Variants in MLLT1 observed in about 807,000 individuals in gnomAD.
MLLT1 encodes the protein protein ENL.
Under a neutral mutation model 55.1 loss-of-function variants are expected in MLLT1, and 11 were observed. That is an observed-to-expected ratio of 0.20 (90% confidence interval 0.13 to 0.33). The LOEUF is 0.33. Ranked by LOEUF, MLLT1 falls within the 10% of genes least tolerant of loss-of-function variation. The pLI, the probability that MLLT1 is intolerant of heterozygous loss-of-function variation, is 1.00. For synonymous variants in MLLT1, 323 were observed against 320.1 expected (o/e 1.01, Z -0.10); for missense variants, 536 against 760.6 (o/e 0.70, Z 3.47).
rs2090779750 is a variant in MLLT1, at chr19:6,212,150, T to A, written c.*892A>T. ...CGAGCCCCAGGGCGGCTGATGCGAG[T>A]CTGTCCGCGGAGACTGTTGGCGCTA... On this transcript the variant is annotated 3_prime_UTR_variant, in exon 12 of 12. Coordinates refer to ENST00000252674, the MANE Select transcript of MLLT1 (RefSeq NM_005934.4). 9.4e-7 allele frequency: 1 copy of A among 1,065,662 alleles called. No individual in the cohort carries two copies. The highest frequency in any genetic ancestry group is 1.1e-6 in the Non-Finnish European group (1 of 879,422). 66.0% of individuals were successfully genotyped at this position (1,065,662 alleles called of 1,614,324 possible). A position where few individuals can be genotyped will look rare whatever the true frequency, so the allele number is the denominator to read the frequency against.
intron 1 of MLLT1, among the ~76,000 whole-genome samples, chr19:6,277,951 T>C (rs1332744685): frequency 6.6e-6 from 1 of 152,196 alleles, no homozygotes; most frequent in Non-Finnish European, 1.5e-5. Flanking sequence ...TCCTTACCTC[T>C]TAAGAAGAAG....
chr19:6,221,337 G>T (rs888558715), intron 6 of MLLT1, among the ~76,000 whole-genome samples: 2 of 152,172 alleles, frequency 1.3e-5, no homozygotes, highest in African/African-American at 4.8e-5. Context: ...AGACACCACC[G>T]CCGTCCCAGG....
At chr19:6,248,564 A>C (rs558164631) in intron 3 of MLLT1, among the ~76,000 whole-genome samples, 1 of 152,340 alleles carries the variant, frequency 6.6e-6, no homozygotes, top group African/African-American at 2.4e-5. Flanking sequence ...ATGGAACTCT[A>C]TAGCCACGGA....
intron 3 of MLLT1, among the ~76,000 whole-genome samples, chr19:6,253,264 CAAAAAAAAAAAAAAA>C (rs71172800): frequency 1.2e-4 from 3 of 24,550 alleles, no homozygotes; most frequent in African/African-American, 3.2e-4. Context: ...GACCCCATCT[CAAAAAAAAAAAAAAA>C]AAAAAAAAAA....
At chr19:6,217,933 C>G (rs201499204) in intron 7 of MLLT1, 21 bp downstream of exon 7, 4 of 1,587,950 alleles carry the variant, frequency 2.5e-6, no homozygotes, top group Admixed American at 3.7e-5. Flanking sequence ...TCCGTGCCCC[C>G]CAGCTGCTCT....
At position 6,219,673 on chromosome 19, in the gene MLLT1, G is replaced by A. The variant is rs1230835747; in HGVS notation, c.1111-1632C>T. Among the ~76,000 whole-genome samples the A allele has an allele frequency of 6.6e-6, 1 of 152,196 alleles. No homozygotes were observed. Among genetic ancestry groups the A allele is most frequent in the East Asian group, 1.9e-4 (1 of 5,198 alleles). On this transcript the variant is annotated intron_variant, in intron 6 of 11. Transcript: ENST00000252674. The surrounding 1 kb of genome is among the most constrained non-coding windows in gnomAD (Gnocchi z 4.5). Reference sequence around the variant, plus strand: ...AGGGGTGGGCACCAACCTGGAGGGAGGTGGACTGGAGAAGTATCCAAGGTC... The same window carrying A: ...AGGGGTGGGCACCAACCTGGAGGGAAGTGGACTGGAGAAGTATCCAAGGTC...
intron 5 of MLLT1, among the ~76,000 whole-genome samples, chr19:6,223,366 C>T (rs553619723): frequency 1.3e-5 from 2 of 152,190 alleles, no homozygotes. Flanking sequence ...CCTAAAACAC[C>T]GAGGACATTC....
chr19:6,254,123 C>T (rs1345524802), intron 3 of MLLT1, among the ~76,000 whole-genome samples: 2 of 152,104 alleles, frequency 1.3e-5, no homozygotes, highest in Admixed American at 1.3e-4. Context: ...ATTTTCAGCC[C>T]CACCCCCTGA....
Position 6,231,805 on chromosome 19 carries a change from C to T in MLLT1, c.277-1092G>A, listed in dbSNP as rs2091013493. On this transcript the variant is annotated intron_variant, in intron 3 of 11. Transcript: ENST00000252674. This position sits in a 1 kb window ranked among gnomAD's most constrained non-coding sequence, Gnocchi z 5.1. ...TGTGAGCCACCGCGCCCAGCTGAAG[C>T]AAGACAATTTCATCTGCTTTTCCTT... Among the ~76,000 whole-genome samples the T allele has an allele frequency of 6.6e-6, 1 of 152,054 alleles. No homozygotes were observed. Among genetic ancestry groups the T allele is most frequent in the African/African-American group, 2.4e-5 (1 of 41,412 alleles).
chr19:6,228,757 T>G (rs932693385), intron 4 of MLLT1, among the ~76,000 whole-genome samples: 1 of 152,008 alleles, frequency 6.6e-6, no homozygotes, highest in African/African-American at 2.4e-5. Context: ...CGGCTGCTCC[T>G]AAGGCTGAGA....
chr19:6,216,278 C>A, intron 8 of MLLT1, 127 bp downstream of exon 8: 1 of 686,258 alleles, frequency 1.5e-6, no homozygotes, highest in East Asian at 2.7e-5. Flanking sequence ...GGGGATGGAT[C>A]CCTGCTTTGG....
chr19:6,267,216 C>T (rs948023441), intron 2 of MLLT1, among the ~76,000 whole-genome samples: 2 of 152,128 alleles, frequency 1.3e-5, no homozygotes, highest in Non-Finnish European at 2.9e-5. Flanking sequence ...ATTCTCCTGC[C>T]TCAGCTTCCC....
At chr19:6,269,112 G>A (rs1156337674) in intron 2 of MLLT1, among the ~76,000 whole-genome samples, 1 of 152,240 alleles carries the variant, frequency 6.6e-6, no homozygotes, top group Non-Finnish European at 1.5e-5. Context: ...CCAGGCTCCT[G>A]CTCTGCCAAC....
intron 1 of MLLT1, among the ~76,000 whole-genome samples, chr19:6,274,094 C>A (rs768919596): frequency 6.6e-6 from 1 of 152,250 alleles, no homozygotes; most frequent in South Asian, 2.1e-4. Flanking sequence ...AGCCTCAACA[C>A]CCACTGTTAA....
chr19:6,255,478 CA>C (rs2091250248), intron 3 of MLLT1, among the ~76,000 whole-genome samples: 1 of 152,038 alleles, frequency 6.6e-6, no homozygotes, highest in Non-Finnish European at 1.5e-5. Context: ...AGGTGATGGA[CA>C]GACTCTGTCT....
rs62108701 is a variant in MLLT1 at position 6,246,161 on chromosome 19, G to T, written c.277-15448C>A. Among the ~76,000 whole-genome samples the T allele has an allele frequency of 2.7e-3, 404 of 151,622 alleles. 1 individual carries two copies. Among genetic ancestry groups the T allele is most frequent in the Non-Finnish European group, 3.3e-3 (221 of 67,914 alleles). Reference sequence around the variant, plus strand: ...ATATTCAAGGGCTGGCGAAGATTTGGAGCAACGGGAACTCTTCCTGCTGAT... The same window carrying T: ...ATATTCAAGGGCTGGCGAAGATTTGTAGCAACGGGAACTCTTCCTGCTGAT... On this transcript the variant is annotated intron_variant, in intron 3 of 11. Coordinates refer to ENST00000252674, the MANE Select transcript of MLLT1 (RefSeq NM_005934.4).
chr19:6,245,960 C>G (rs1446055614), intron 3 of MLLT1, among the ~76,000 whole-genome samples: 2 of 152,116 alleles, frequency 1.3e-5, no homozygotes, highest in Non-Finnish European at 2.9e-5. Flanking sequence ...TGCCTGTAAT[C>G]CCAGCTACTT....
intron 1 of MLLT1, among the ~76,000 whole-genome samples, chr19:6,275,963 C>G (rs2091426033): frequency 2.6e-5 from 4 of 152,246 alleles, no homozygotes; most frequent in Admixed American, 6.5e-5. Context: ...GGGGGAGGAG[C>G]CTTGGTGGAC....
At chr19:6,275,236 T>G (rs565687168) in intron 1 of MLLT1, among the ~76,000 whole-genome samples, 1 of 152,338 alleles carries the variant, frequency 6.6e-6, no homozygotes, top group East Asian at 1.9e-4. Flanking sequence ...GAATTACACC[T>G]GGAGTTCGGC....
Sources: gnomAD v4.1 joint callset for allele counts (sites outside exome capture counted in the v4.1 genomes callset) on GRCh38, gnomAD v4.1.1 for gene constraint, Gnocchi (gnomAD v3.1) non-coding constraint, MANE v1.5 for transcripts, NCBI Gene and HGNC (gene_info 2026-07-23, HGNC 2026-07-21) for gene names.